Variants in NECTIN2 observed in about 807,000 individuals in gnomAD.
NECTIN2 encodes nectin-2.
Under a neutral mutation model 56.9 loss-of-function variants are expected in NECTIN2, and 23 were observed. The observed-to-expected ratio is 0.40, with a 90% CI of 0.29 to 0.57. NECTIN2 has a LOEUF of 0.57. Among genes scored for constraint, NECTIN2 ranks in the 20% least tolerant of loss-of-function variants. The pLI, the probability that NECTIN2 is intolerant of heterozygous loss-of-function variation, is 0.38. For missense variants in NECTIN2, 587 were observed against 718.3 expected (o/e 0.82, Z 2.09); for synonymous variants, 302 against 313.8 (o/e 0.96, Z 0.40).
At chr19:44,847,539 A>G (rs1406653130) in intron 1 of NECTIN2, among the ~76,000 whole-genome samples, 1 of 152,076 alleles carries the variant, frequency 6.6e-6, no homozygotes, top group Non-Finnish European at 1.5e-5. Context: ...TGGGCTCCAG[A>G]TATGATCAAG....
rs3745151 is a variant in NECTIN2 at position 44,882,661 on chromosome 19, G to A, written c.1196+297G>A. Among the ~76,000 whole-genome samples the A allele has an allele frequency of 7.7e-5, 11 of 143,432 alleles. No homozygotes were observed. In the East Asian group the frequency reaches 1.8e-3, roughly 24 times the overall value. 94.1% of individuals were successfully genotyped at this position (143,432 alleles called of 152,430 possible). On this transcript the variant is annotated intron_variant, in intron 6 of 8. Transcript: ENST00000252483. ...GAGCCCAGGAATTTGAGCCCAGTCT[G>A]GGTAACATAGGAAGACTACCCCCAT... is the stretch of plus-strand genomic sequence containing the variant.
At chr19:44,851,167 C>A (rs528972121) in intron 1 of NECTIN2, among the ~76,000 whole-genome samples, 4 of 151,068 alleles carry the variant, frequency 2.6e-5, no homozygotes, top group Non-Finnish European at 5.9e-5. Flanking sequence ...TTCAGGCCCC[C>A]ATCCCTGCTC....
At chr19:44,880,479 T>A in intron 5 of NECTIN2, among the ~76,000 whole-genome samples, 1 of 103,164 alleles carries the variant, frequency 9.7e-6, no homozygotes, top group Non-Finnish European at 2.1e-5. Context: ...TCTTGCCTTT[T>A]TTTTTTTTTT....
chr19:44,872,163 G>A lies in NECTIN2; in HGVS notation c.775+14G>A, dbSNP rs1969183047. 6.2e-7 allele frequency: 1 copy of A among 1,606,312 alleles called. No individual in the cohort carries two copies. The highest frequency in any genetic ancestry group is 1.3e-5 in the African/African-American group (1 of 74,774). On this transcript the variant is annotated intron_variant, in intron 3 of 8. Coordinates refer to ENST00000252483, the MANE Select transcript of NECTIN2 (RefSeq NM_001042724.2). ...TCTCTGTACGCTGTGAGTGTATCGG[G>A]GGTGACCCCTCCCCCATCAAAACTG... is the stretch of plus-strand genomic sequence containing the variant.
Position 44,885,924 on chromosome 19 carries a change from T to G in NECTIN2, c.1197-13T>G, listed in dbSNP as rs751154160. 1 of 1,559,746 alleles carries G rather than the reference T, an allele frequency of 6.4e-7. No homozygotes were observed. The highest frequency in any genetic ancestry group is 1.7e-4 in the Middle Eastern group (1 of 5,956). ...GGTCTTAATCTCCACTTGTCCTACC[T>G]CCTACCCCACAGCCTGGAGGGACCT... On this transcript the variant is annotated splice_polypyrimidine_tract_variant and intron_variant, in intron 6 of 8. Coordinates refer to ENST00000252483, the MANE Select transcript of NECTIN2 (RefSeq NM_001042724.2).
At chr19:44,884,452 G>A (rs922806251) in intron 6 of NECTIN2, among the ~76,000 whole-genome samples, 1 of 152,186 alleles carries the variant, frequency 6.6e-6, no homozygotes, top group African/African-American at 2.4e-5. Flanking sequence ...ACCATGCCCA[G>A]CCTGGAATCT....
Position 44,865,797 on chromosome 19 carries a change from C to A in NECTIN2, c.478+137C>A. 2.0e-6 allele frequency: 2 copies of A among 1,015,490 alleles called. No homozygotes were observed. The highest frequency in any genetic ancestry group is 2.8e-6 in the Non-Finnish European group (2 of 721,610). 62.9% of individuals were successfully genotyped at this position (1,015,490 alleles called of 1,614,324 possible). Reference sequence around the variant, plus strand: ...GGGTTTCCATCCATCAGCAAATGTTCATTAAGCACCTACCGCGTGCCAGAT... The same window carrying A: ...GGGTTTCCATCCATCAGCAAATGTTAATTAAGCACCTACCGCGTGCCAGAT... On this transcript the variant is annotated intron_variant, in intron 2 of 8. Coordinates refer to ENST00000252483, the MANE Select transcript of NECTIN2 (RefSeq NM_001042724.2). This position sits in a 1 kb window ranked among gnomAD's most constrained non-coding sequence, Gnocchi z 5.2.
At chr19:44,866,548 G>C (rs1444952316) in intron 2 of NECTIN2, among the ~76,000 whole-genome samples, 8 of 152,072 alleles carry the variant, frequency 5.3e-5, no homozygotes, top group Non-Finnish European at 1.2e-4. Context: ...TCTAAGGGAA[G>C]AGCGTTCCAG....
At position 44,865,418 on chromosome 19, in the gene NECTIN2, A is replaced by G; in HGVS notation, c.236A>G (p.His79Arg). 6.2e-7 allele frequency: 1 copy of G among 1,614,066 alleles called. No individual in the cohort carries two copies. The highest frequency in any genetic ancestry group is 1.1e-5 in the South Asian group (1 of 91,076). The change falls in exon 2 of 9, where the codon CAC (histidine) becomes CGC (arginine). Residue 79 changes from histidine to arginine, a missense_variant. By Grantham distance (29) the His-to-Arg change is conservative. Transcript: ENST00000252483. This position sits in a 1 kb window ranked among gnomAD's most constrained non-coding sequence, Gnocchi z 5.2. ...TWQRPDAPAN[H>R]QNVAAFHPKM... is the part of the protein sequence containing the mutation. ...CAGCGCCCAGATGCACCTGCGAACC[A>G]CCAGAATGTGGCCGCCTTCCACCCT...
chr19:44,883,907 C>T (rs1262776707), intron 6 of NECTIN2, among the ~76,000 whole-genome samples: 2 of 151,924 alleles, frequency 1.3e-5, no homozygotes, highest in African/African-American at 4.8e-5. Flanking sequence ...ATAACTTGAG[C>T]TCAGGAGTTC....
At position 44,865,426 on chromosome 19, in the gene NECTIN2, G is replaced by A. The variant is rs749877073; in HGVS notation, c.244G>A (p.Val82Met). 1.2e-6 allele frequency: 2 copies of A among 1,614,056 alleles called. No individual in the cohort carries two copies. The highest frequency in any genetic ancestry group is 4.5e-5 in the East Asian group (2 of 44,892). Reference sequence around the variant, plus strand: ...AGATGCACCTGCGAACCACCAGAATGTGGCCGCCTTCCACCCTAAGATGGG... The same window carrying A: ...AGATGCACCTGCGAACCACCAGAATATGGCCGCCTTCCACCCTAAGATGGG... ...RPDAPANHQN[V>M]AAFHPKMGPS... The change falls in exon 2 of 9, where the codon GTG (valine) becomes ATG (methionine). Residue 82 changes from valine to methionine, a missense_variant. Physicochemically the swap from Val to Met is conservative, Grantham distance 21 (BLOSUM62 1). Coordinates refer to ENST00000252483, the MANE Select transcript of NECTIN2 (RefSeq NM_001042724.2). This position sits in a 1 kb window ranked among gnomAD's most constrained non-coding sequence, Gnocchi z 5.2.
intron 1 of NECTIN2, among the ~76,000 whole-genome samples, chr19:44,863,161 CA>C: frequency 6.6e-6 from 1 of 151,054 alleles, no homozygotes; most frequent in South Asian, 2.1e-4. Flanking sequence ...GAGTCTGTCT[CA>C]AAAAAAAGAA....
chr19:44,854,820 A>T (rs538162028), intron 1 of NECTIN2, among the ~76,000 whole-genome samples: 289 of 150,100 alleles, frequency 1.9e-3, no homozygotes, highest in African/African-American at 6.2e-3. Flanking sequence ...CTCAAAAAAA[A>T]TTTTTTTAAA....
chr19:44,885,841 G>A lies in NECTIN2; in HGVS notation c.1197-96G>A, dbSNP rs1024427557. The A allele has an allele frequency of 5.0e-6, 5 of 996,234 alleles. No homozygotes were observed. In the African/African-American group the frequency reaches 6.5e-5, roughly 13 times the overall value. The allele number at this position is 996,234 out of a possible 1,614,324, so 61.7% of individuals were successfully genotyped here. A position where few individuals can be genotyped will look rare whatever the true frequency, so the allele number is the denominator to read the frequency against. ...GGCAAGAAAAGGGGGCAGGGGAAAG[G>A]GAGACCCAGGTAGAGGGAACAGCAT... On this transcript the variant is annotated intron_variant, in intron 6 of 8. Transcript: ENST00000252483.
intron 6 of NECTIN2, 98 bp from the exon 7 acceptor site, chr19:44,885,839 A>G: frequency 1.0e-6 from 1 of 967,780 alleles, no homozygotes; most frequent in Non-Finnish European, 1.7e-6. Flanking sequence ...GGCAGGGGAA[A>G]GGGAGACCCA....
chr19:44,857,001 C>G (rs1968972702), intron 1 of NECTIN2, among the ~76,000 whole-genome samples: 1 of 152,218 alleles, frequency 6.6e-6, no homozygotes, highest in South Asian at 2.1e-4. Flanking sequence ...TTCCCTGGAA[C>G]TGGCACAAGG....
chr19:44,868,890 C>T (rs1178088539), intron 2 of NECTIN2, among the ~76,000 whole-genome samples: 6 of 149,780 alleles, frequency 4.0e-5, no homozygotes, highest in Non-Finnish European at 7.4e-5. Context: ...CCAGCCTGGG[C>T]GACAGAGTGA....
intron 3 of NECTIN2, among the ~76,000 whole-genome samples, chr19:44,872,685 C>T (rs539778474): frequency 3.9e-5 from 6 of 152,028 alleles, no homozygotes; most frequent in African/African-American, 1.4e-4. Flanking sequence ...AACATCGTCT[C>T]CACACCTTCC....
In NECTIN2 at chr19:44,865,693, G is replaced by A; in HGVS notation, c.478+33G>A. The A allele has an allele frequency of 6.7e-7, 1 of 1,481,950 alleles. No individual in the cohort carries two copies. Among genetic ancestry groups the A allele is most frequent in the African/African-American group, 1.4e-5 (1 of 72,226 alleles). 91.8% of individuals were successfully genotyped at this position (1,481,950 alleles called of 1,614,324 possible). A position where few individuals can be genotyped will look rare whatever the true frequency, so the allele number is the denominator to read the frequency against. On this transcript the variant is annotated intron_variant, in intron 2 of 8. Coordinates refer to ENST00000252483, the MANE Select transcript of NECTIN2 (RefSeq NM_001042724.2). The surrounding 1 kb of genome is among the most constrained non-coding windows in gnomAD (Gnocchi z 5.2). The stretch of plus-strand genomic sequence containing the variant: ...GGGTAAGGGCGGGAGGCAAGGAGGT[G>A]GGAGGGCCGCGGTGTGGGAGCATCC...
Sources: allele counts gnomAD v4.1 joint callset (sites outside exome capture counted in the v4.1 genomes callset), GRCh38; gene constraint gnomAD v4.1.1; non-coding constraint Gnocchi (gnomAD v3.1); transcripts MANE v1.5; gene names NCBI Gene and HGNC (gene_info 2026-07-23, HGNC 2026-07-21).